MPHOSPH9: variants seen among roughly 807,000 people sequenced by gnomAD.
MPHOSPH9 encodes M-phase phosphoprotein 9.
Under a neutral mutation model 145.5 loss-of-function variants are expected in MPHOSPH9, and 88 were observed. That is an observed-to-expected ratio of 0.60 (90% confidence interval 0.51 to 0.72). MPHOSPH9 has a LOEUF of 0.72. MPHOSPH9 is among the 30% of genes least tolerant of loss of function. The pLI is 0.00. For missense variants in MPHOSPH9, 1,238 were observed against 1,386.6 expected (o/e 0.89, Z 1.70); for synonymous variants, 435 against 486.2 (o/e 0.89, Z 1.39).
At chr12:123,199,876 T>C (rs1489235973) in intron 11 of MPHOSPH9, among the ~76,000 whole-genome samples, 1 of 152,096 alleles carries the variant, frequency 6.6e-6, no homozygotes, top group African/African-American at 2.4e-5. Flanking sequence ...AGTTCCTCAC[T>C]GAAAGTCACA....
At chr12:123,171,794 C>A (rs1476558054) in intron 16 of MPHOSPH9, among the ~76,000 whole-genome samples, 1 of 151,972 alleles carries the variant, frequency 6.6e-6, no homozygotes, top group Non-Finnish European at 1.5e-5. Context: ...ATATATATAT[C>A]TCAAGCACAC....
intron 16 of MPHOSPH9, among the ~76,000 whole-genome samples, chr12:123,169,358 G>A (rs111435071): frequency 1.3e-5 from 2 of 151,466 alleles, no homozygotes; most frequent in Non-Finnish European, 2.9e-5. Context: ...AATTAGCCAG[G>A]TGTGGTGACG....
At chr12:123,218,130 G>A (rs2047047213) in intron 6 of MPHOSPH9, among the ~76,000 whole-genome samples, 2 of 151,906 alleles carry the variant, frequency 1.3e-5, no homozygotes, top group African/African-American at 4.8e-5. Flanking sequence ...TGCTTGGGAG[G>A]ATGAGACAGG....
Position 123,218,365 on chromosome 12 carries a change from T to C in MPHOSPH9, c.996+11A>G, listed in dbSNP as rs2047058752. The C allele has an allele frequency of 1.2e-6, 2 of 1,613,748 alleles. No homozygotes were observed. The highest frequency in any genetic ancestry group is 1.7e-6 in the Non-Finnish European group (2 of 1,179,800). ...TACTGGAGCCCGCAGGGAAAGTGAC[T>C]AGTCACCTACTTTCTCAATTGGTGT... is the stretch of plus-strand genomic sequence containing the variant. On this transcript the variant is annotated intron_variant, in intron 6 of 23. Transcript: ENST00000606320.
intron 23 of MPHOSPH9, among the ~76,000 whole-genome samples, chr12:123,158,516 G>A (rs2043964967): frequency 6.6e-6 from 1 of 152,194 alleles, no homozygotes; most frequent in South Asian, 2.1e-4. Flanking sequence ...TGAGGCCTCA[G>A]AGGTCAAGAC....
chr12:123,166,226 C>A, intron 17 of MPHOSPH9: 1 of 193,704 alleles, frequency 5.2e-6, no homozygotes, highest in Non-Finnish European at 1.0e-5. Context: ...CCCACCTCAG[C>A]CTCCCAAGTA....
intron 8 of MPHOSPH9, among the ~76,000 whole-genome samples, chr12:123,209,678 G>A (rs191312226): frequency 2.6e-3 from 390 of 151,444 alleles, no homozygotes; most frequent in Admixed American, 3.8e-3. Context: ...CCAAAGTGCC[G>A]AGATTACAGG....
intron 11 of MPHOSPH9, among the ~76,000 whole-genome samples, chr12:123,199,093 C>T (rs1259028320): frequency 6.6e-6 from 1 of 151,762 alleles, no homozygotes; most frequent in Non-Finnish European, 1.5e-5. Flanking sequence ...GCAGACTTAA[C>T]CTTCTGGGAT....
intron 16 of MPHOSPH9, among the ~76,000 whole-genome samples, chr12:123,172,588 C>T (rs2044633574): frequency 1.3e-5 from 2 of 152,282 alleles, no homozygotes; most frequent in South Asian, 4.1e-4. Context: ...CTGCCTTGGC[C>T]TCCCAAAGTG....
Position 123,197,038 on chromosome 12 carries a change from T to G in MPHOSPH9, c.2025+1209A>C, listed in dbSNP as rs982574680. 2.6e-4 allele frequency among the ~76,000 whole-genome samples: 38 copies of G among 144,202 alleles called. 1 individual carries two copies. Among genetic ancestry groups the G allele is most frequent in the Non-Finnish European group, 4.5e-5 (3 of 66,044 alleles). The allele number at this position is 144,202 out of a possible 152,430, so 94.6% of individuals were successfully genotyped here. ...GACGGTTAAGGGGTGTGGGTTTTTT[T>G]TTTTTTTTTTTTTTTTTTTTTGAGG... is the stretch of plus-strand genomic sequence containing the variant. On this transcript the variant is annotated intron_variant, in intron 12 of 23. Transcript: ENST00000606320.
chr12:123,207,012 T>G lies in MPHOSPH9; in HGVS notation c.1194+3044A>C, dbSNP rs928966622. ...GGGGAATCACTTGAGCCCAGGAGTT[T>G]GAGACCAGCCTAGGCAACACAGCAA... On this transcript the variant is annotated intron_variant, in intron 8 of 23. Coordinates refer to ENST00000606320, the MANE Select transcript of MPHOSPH9 (RefSeq NM_022782.4). 7.2e-5 allele frequency among the ~76,000 whole-genome samples: 11 copies of G among 151,944 alleles called. No individual in the cohort carries two copies. In the East Asian group the frequency reaches 2.1e-3, roughly 29 times the overall value.
chr12:123,185,735 G>C (rs1018971350), intron 13 of MPHOSPH9, among the ~76,000 whole-genome samples: 1 of 151,984 alleles, frequency 6.6e-6, no homozygotes, highest in African/African-American at 2.4e-5. Flanking sequence ...GACAGAGTGA[G>C]ATCCTGTCTC....
Position 123,198,304 on chromosome 12 carries a change from T to C in MPHOSPH9, c.1968A>G (p.Glu656=), listed in dbSNP as rs752915070. Residue 656 remains glutamate, a synonymous_variant, in exon 12 of 24, where the codon GAA becomes GAG. Coordinates refer to ENST00000606320, the MANE Select transcript of MPHOSPH9 (RefSeq NM_022782.4). ...CAAGTGTTCTCACGCGACTAGTAGC[T>C]TCATGCAAAGCACTATCTAATTGGC... is the stretch of plus-strand genomic sequence containing the variant. ...RCGQLDSALH[E]ATSRVRTLEN... The C allele has an allele frequency of 1.2e-6, 2 of 1,612,390 alleles. No homozygotes were observed. Among genetic ancestry groups the C allele is most frequent in the Middle Eastern group, 1.6e-4 (1 of 6,084 alleles).
chr12:123,220,420 C>T lies in MPHOSPH9; in HGVS notation c.872+952G>A, dbSNP rs926174311. On this transcript the variant is annotated intron_variant, in intron 5 of 23. Transcript: ENST00000606320. ...CTCTACTGAAAATACAAAAATTAGC[C>T]GGGTGTGGTGGCCCACACCTGTAGT... Among the ~76,000 whole-genome samples the T allele has an allele frequency of 2.0e-4, 31 of 151,728 alleles. No individual in the cohort carries two copies. The Middle Eastern group carries it at 0.01, about 50-fold the overall frequency.
chr12:123,222,764 C>T (rs998557470), intron 4 of MPHOSPH9, among the ~76,000 whole-genome samples: 6 of 152,062 alleles, frequency 3.9e-5, no homozygotes, highest in Admixed American at 6.6e-5. Context: ...TGGCAAAACC[C>T]GTCTCTACTA....
chr12:123,230,875 C>T (rs911435993), intron 1 of MPHOSPH9, among the ~76,000 whole-genome samples: 1 of 152,098 alleles, frequency 6.6e-6, no homozygotes, highest in African/African-American at 2.4e-5. Context: ...AATTCATAGA[C>T]AAATGGCTGC....
chr12:123,200,041 G>C (rs897401830), intron 11 of MPHOSPH9, among the ~76,000 whole-genome samples: 6 of 152,006 alleles, frequency 3.9e-5, no homozygotes, highest in Admixed American at 2.6e-4. Context: ...AATTGTATTT[G>C]ACTTTTTTCA....
intron 11 of MPHOSPH9, 59 bp from the exon 12 acceptor site, chr12:123,198,393 A>C: frequency 7.6e-7 from 1 of 1,320,954 alleles, no homozygotes; most frequent in Non-Finnish European, 1.1e-6. Flanking sequence ...TAAAAGTATT[A>C]CATAAATCTA....
In MPHOSPH9 at chr12:123,155,870, G is replaced by A. The variant is rs534979537; in HGVS notation, c.*937C>T. 1 of 152,398 alleles carries A rather than the reference G, an allele frequency of 6.6e-6. No homozygotes were observed. The highest frequency in any genetic ancestry group is 2.4e-5 in the African/African-American group (1 of 41,578). 9.4% of individuals were successfully genotyped at this position (152,398 alleles called of 1,614,324 possible). ...GTAGATTGTGATGATCTAAAGTCTAGTGTTCTTACAGCACCTACAGTGGAA... is the reference window on the plus strand; with the variant it reads ...GTAGATTGTGATGATCTAAAGTCTAATGTTCTTACAGCACCTACAGTGGAA... On this transcript the variant is annotated 3_prime_UTR_variant, in exon 24 of 24. Transcript: ENST00000606320.
Sources: allele counts gnomAD v4.1 joint callset (sites outside exome capture counted in the v4.1 genomes callset), GRCh38; gene constraint gnomAD v4.1.1; transcripts MANE v1.5; gene names NCBI Gene and HGNC (gene_info 2026-07-23, HGNC 2026-07-21).